Variants in HECW1 observed in about 807,000 individuals in gnomAD.
HECW1 encodes E3 ubiquitin-protein ligase HECW1.
A neutral mutation model predicts 182.3 loss-of-function variants in HECW1; 61 were observed. The ratio of observed to expected loss-of-function variants is 0.33; its 90% CI spans 0.27 to 0.41. HECW1 has a LOEUF of 0.41. HECW1 is among the 10% of genes least tolerant of loss of function. HECW1 has a pLI of 1.00. For synonymous variants in HECW1, 859 were observed against 832.6 expected (o/e 1.03, Z -0.55); for missense variants, 1,739 against 2,108.9 (o/e 0.82, Z 3.44).
In HECW1 at chr7:43,351,955, G is replaced by A. The variant is rs565060680; in HGVS notation, c.461-8931G>A. ...ATTATTCAGAGTCCCACCTTGAATC[G>A]TAAGGGAATTACCAGAGCTTTCCTT... is the stretch of plus-strand genomic sequence containing the variant. On this transcript the variant is annotated intron_variant, in intron 5 of 29. Transcript: ENST00000395891. Among the ~76,000 whole-genome samples the A allele has an allele frequency of 2.1e-3, 322 of 152,228 alleles. 2 individuals are homozygous for A. Among genetic ancestry groups the A allele is most frequent in the African/African-American group, 7.4e-3 (306 of 41,544 alleles).
chr7:43,552,369 T>A, intron 28 of HECW1, 33 bp downstream of exon 28: 1 of 1,254,736 alleles, frequency 8.0e-7, no homozygotes, highest in Non-Finnish European at 1.2e-6. Context: ...GATGCAATGA[T>A]CACAAATAGA....
intron 3 of HECW1, among the ~76,000 whole-genome samples, chr7:43,304,764 G>T (rs889184675): frequency 6.6e-6 from 1 of 152,218 alleles, no homozygotes; most frequent in East Asian, 1.9e-4. Flanking sequence ...AAAGTGTTGG[G>T]ATTACAGGCG....
At chr7:43,446,298 C>T (rs918396259) in intron 11 of HECW1, among the ~76,000 whole-genome samples, 1 of 152,024 alleles carries the variant, frequency 6.6e-6, no homozygotes, top group Non-Finnish European at 1.5e-5. Flanking sequence ...GTGTTTTAAC[C>T]AAAGATGTTC....
intron 4 of HECW1, among the ~76,000 whole-genome samples, chr7:43,319,893 G>A (rs1270970672): frequency 6.7e-6 from 1 of 150,292 alleles, no homozygotes. Flanking sequence ...GATTACAGGT[G>A]TGAGCCACTG....
At chr7:43,351,221 C>G (rs1409393769) in intron 5 of HECW1, among the ~76,000 whole-genome samples, 1 of 152,158 alleles carries the variant, frequency 6.6e-6, no homozygotes, top group Non-Finnish European at 1.5e-5. Context: ...TGTGAACCAT[C>G]TATAGGTCTC....
At chr7:43,140,640 T>A (rs947115260) in intron 2 of HECW1, among the ~76,000 whole-genome samples, 1 of 152,232 alleles carries the variant, frequency 6.6e-6, no homozygotes, top group East Asian at 1.9e-4. Flanking sequence ...ATTCAATATA[T>A]CGTGCTCAGT....
chr7:43,395,314 G>C (rs887970509), intron 6 of HECW1, among the ~76,000 whole-genome samples: 5 of 152,182 alleles, frequency 3.3e-5, no homozygotes, highest in Admixed American at 2.0e-4. Flanking sequence ...AGTTAGTTCA[G>C]CCTATGCCCA....
chr7:43,532,971 G>A (rs551634064), intron 24 of HECW1, among the ~76,000 whole-genome samples: 1 of 152,274 alleles, frequency 6.6e-6, no homozygotes, highest in South Asian at 2.1e-4. Context: ...AGTTAGAAAG[G>A]AGTATATCAT....
chr7:43,243,802 T>C lies in HECW1; in HGVS notation c.-31-73T>C. The C allele has an allele frequency of 8.7e-7, 1 of 1,151,134 alleles. No homozygotes were observed. Among genetic ancestry groups the C allele is most frequent in the Non-Finnish European group, 1.3e-6 (1 of 758,184 alleles). The allele number at this position is 1,151,134 out of a possible 1,614,324, so 71.3% of individuals were successfully genotyped here. A position where few individuals can be genotyped will look rare whatever the true frequency, so the allele number is the denominator to read the frequency against. ...GCGGGGGTGGGGGAAACAATGTTGT[T>C]TGTGTGGGTAATGTTGCTGATTTTG... On this transcript the variant is annotated intron_variant, in intron 2 of 29. Coordinates refer to ENST00000395891, the MANE Select transcript of HECW1 (RefSeq NM_015052.5). The surrounding 1 kb of genome is among the most constrained non-coding windows in gnomAD (Gnocchi z 4.0).
chr7:43,367,556 A>G (rs968814408), intron 6 of HECW1, among the ~76,000 whole-genome samples: 3 of 152,234 alleles, frequency 2.0e-5, no homozygotes, highest in African/African-American at 4.8e-5. Flanking sequence ...GGAGCTATAG[A>G]TTAAATGATA....
chr7:43,556,776 G>C (rs1654229836), intron 29 of HECW1, among the ~76,000 whole-genome samples: 1 of 152,034 alleles, frequency 6.6e-6, no homozygotes, highest in Admixed American at 6.5e-5. Flanking sequence ...CATTGCTTCT[G>C]TTATCTGGGG....
intron 3 of HECW1, among the ~76,000 whole-genome samples, chr7:43,306,241 C>G (rs1468106334): frequency 1.3e-5 from 2 of 152,238 alleles, no homozygotes; most frequent in South Asian, 4.1e-4. Flanking sequence ...CTGCATAGAG[C>G]AAATGCTCAG....
chr7:43,381,464 G>A (rs115465926), intron 6 of HECW1, among the ~76,000 whole-genome samples: 1,843 of 151,630 alleles, frequency 0.012, 42 homozygotes, highest in African/African-American at 0.042. Context: ...TAGGACTACA[G>A]GCACATGCTA....
intron 14 of HECW1, among the ~76,000 whole-genome samples, chr7:43,464,599 G>A (rs1460328008): frequency 6.6e-6 from 1 of 151,992 alleles, no homozygotes; most frequent in African/African-American, 2.4e-5. Flanking sequence ...TTTGCCAAAA[G>A]AAGGCTTAGA....
At chr7:43,346,378 G>A (rs1005819326) in intron 5 of HECW1, among the ~76,000 whole-genome samples, 1 of 152,042 alleles carries the variant, frequency 6.6e-6, no homozygotes, top group African/African-American at 2.4e-5. Flanking sequence ...GTTTGTTGTA[G>A]ATTCTGGCTA....
intron 13 of HECW1, among the ~76,000 whole-genome samples, chr7:43,462,736 C>T (rs1182551020): frequency 6.6e-6 from 1 of 152,236 alleles, no homozygotes. Context: ...CCCACACATC[C>T]TGATGCCGCT....
chr7:43,151,847 T>G (rs1202661326), intron 2 of HECW1, among the ~76,000 whole-genome samples: 1 of 152,174 alleles, frequency 6.6e-6, no homozygotes, highest in Non-Finnish European at 1.5e-5. Context: ...AGAGAAAATT[T>G]ACCTAGGCTA....
At chr7:43,501,400 T>C (rs2079354263) in intron 21 of HECW1, 78 bp downstream of exon 21, 1 of 773,534 alleles carries the variant, frequency 1.3e-6, no homozygotes, top group Non-Finnish European at 2.3e-6. Context: ...GAAAGGCAAC[T>C]GTATGTGTGT....
rs146616771 is a variant in HECW1 at position 43,446,973 on chromosome 7, G to A, written c.2398+1403G>A. 8.4e-3 allele frequency among the ~76,000 whole-genome samples: 1,285 copies of A among 152,258 alleles called. 7 individuals carry two copies. The highest frequency in any genetic ancestry group is 0.02 in the Middle Eastern group (6 of 294). ...ATCAGGTGATGTATGGACATTACTCGATAATTACAGCATAATTAAAATAAT... is the reference window on the plus strand; with the variant it reads ...ATCAGGTGATGTATGGACATTACTCAATAATTACAGCATAATTAAAATAAT... On this transcript the variant is annotated intron_variant, in intron 11 of 29. Coordinates refer to ENST00000395891, the MANE Select transcript of HECW1 (RefSeq NM_015052.5).
Sources: allele counts gnomAD v4.1 joint callset (sites outside exome capture counted in the v4.1 genomes callset), GRCh38; gene constraint gnomAD v4.1.1; non-coding constraint Gnocchi (gnomAD v3.1); transcripts MANE v1.5; gene names NCBI Gene and HGNC (gene_info 2026-07-23, HGNC 2026-07-21).